Variants in ATF1 observed in about 807,000 individuals in gnomAD.
The protein encoded by ATF1 is cyclic AMP-dependent transcription factor ATF-1.
In ATF1, 16 loss-of-function variants were observed where a neutral mutation model predicts 34.7. That is an observed-to-expected ratio of 0.46 (90% confidence interval 0.31 to 0.70). The LOEUF (loss-of-function observed/expected upper bound fraction) is 0.70. Among genes scored for constraint, ATF1 ranks in the 30% least tolerant of loss-of-function variants. The probability of loss-of-function intolerance (pLI) is 0.05; values close to 1 mark genes in which losing one functional copy is unlikely to be tolerated. For synonymous variants in ATF1, 105 were observed against 113.1 expected, an observed-to-expected ratio of 0.93 and a Z score of 0.46; for missense variants, 255 against 321.6, an observed-to-expected ratio of 0.79 and a Z score of 1.58.
intron 2 of ATF1, among the ~76,000 whole-genome samples, chr12:50,794,876 A>AC (rs1941380173): frequency 6.6e-6 from 1 of 151,876 alleles, no homozygotes; most frequent in Admixed American, 6.6e-5. Context: ...CTGTCATTGC[A>AC]CCACTGCACT....
chr12:50,815,208 G>C (rs1384114287), intron 6 of ATF1, among the ~76,000 whole-genome samples: 1 of 152,062 alleles, frequency 6.6e-6, no homozygotes, highest in Non-Finnish European at 1.5e-5. Context: ...TATCATAGGA[G>C]ATAACAGCTC....
chr12:50,798,350 C>T (rs982274075), intron 3 of ATF1, among the ~76,000 whole-genome samples: 2 of 150,270 alleles, frequency 1.3e-5, no homozygotes, highest in African/African-American at 4.9e-5. Context: ...GCTCTGTCAT[C>T]CAGGCTGGAG....
chr12:50,784,019 C>T (rs1941129740), intron 2 of ATF1, among the ~76,000 whole-genome samples: 1 of 151,722 alleles, frequency 6.6e-6, no homozygotes. Context: ...AAAATTTAGC[C>T]AGGTGTGGTG....
chr12:50,785,174 C>T (rs1941156828), intron 2 of ATF1, among the ~76,000 whole-genome samples: 1 of 150,560 alleles, frequency 6.6e-6, no homozygotes, highest in Admixed American at 6.7e-5. Context: ...ATAATCCCCT[C>T]TGCTTGGGAG....
intron 1 of ATF1, among the ~76,000 whole-genome samples, chr12:50,765,560 C>T (rs1433163401): frequency 1.3e-5 from 2 of 152,078 alleles, no homozygotes; most frequent in South Asian, 2.1e-4. Flanking sequence ...GTGTCAGAGG[C>T]GTGTGAACTA....
intron 2 of ATF1, among the ~76,000 whole-genome samples, chr12:50,791,509 C>T (rs997996156): frequency 1.3e-5 from 2 of 151,360 alleles, no homozygotes; most frequent in Non-Finnish European, 2.9e-5. Flanking sequence ...GAGTCTAGAT[C>T]GTGCTACTTC....
At chr12:50,802,087 CTG>C (rs1941522798) in intron 3 of ATF1, among the ~76,000 whole-genome samples, 1 of 152,172 alleles carries the variant, frequency 6.6e-6, no homozygotes. Context: ...CAAAAATCAA[CTG>C]TATTTCCATA....
intron 1 of ATF1, among the ~76,000 whole-genome samples, chr12:50,778,178 T>C (rs1296029981): frequency 1.3e-5 from 2 of 151,494 alleles, no homozygotes; most frequent in Non-Finnish European, 2.9e-5. Context: ...AGCCTCCCAA[T>C]GTGTTGAGAT....
chr12:50,809,819 C>CTGTTT (rs71443204), intron 4 of ATF1, among the ~76,000 whole-genome samples: 36,430 of 151,030 alleles, frequency 0.24, 4,996 homozygotes, highest in East Asian at 0.36. Flanking sequence ...ACATTAGATA[C>CTGTTT]TGTTTTGTTT....
chr12:50,773,628 C>A (rs1475300502), intron 1 of ATF1, among the ~76,000 whole-genome samples: 1 of 151,620 alleles, frequency 6.6e-6, no homozygotes, highest in Non-Finnish European at 1.5e-5. Context: ...TGCTCTCTTG[C>A]CCACGTTGGA....
intron 3 of ATF1, among the ~76,000 whole-genome samples, chr12:50,808,651 T>C (rs1260970713): frequency 6.6e-6 from 1 of 151,932 alleles, no homozygotes; most frequent in African/African-American, 2.4e-5. Flanking sequence ...TAAACTAATA[T>C]GTAATCAGCC....
chr12:50,806,895 G>C (rs1320264127), intron 3 of ATF1, among the ~76,000 whole-genome samples: 1 of 152,132 alleles, frequency 6.6e-6, no homozygotes, highest in African/African-American at 2.4e-5. Context: ...CTATAGGACT[G>C]ACACCTCCAT....
intron 2 of ATF1, among the ~76,000 whole-genome samples, chr12:50,784,877 TTTTA>T (rs747782113): frequency 4.0e-4 from 60 of 151,320 alleles, no homozygotes; most frequent in East Asian, 1.2e-3. Context: ...GAGTTTTATT[TTTTA>T]TTTATTTATT....
intron 3 of ATF1, among the ~76,000 whole-genome samples, chr12:50,805,796 G>A (rs1941604667): frequency 6.6e-6 from 1 of 152,068 alleles, no homozygotes; most frequent in Non-Finnish European, 1.5e-5. Context: ...TCTTAAGTCA[G>A]ATATCAAAAG....
At chr12:50,767,557 G>A (rs889898432) in intron 1 of ATF1, among the ~76,000 whole-genome samples, 2 of 152,106 alleles carry the variant, frequency 1.3e-5, no homozygotes, top group African/African-American at 4.8e-5. Context: ...CTGTAAGCTC[G>A]CTTTTCAAGA....
intron 1 of ATF1, among the ~76,000 whole-genome samples, chr12:50,772,308 T>G (rs928498322): frequency 1.4e-5 from 2 of 147,514 alleles, no homozygotes; most frequent in Admixed American, 7.2e-5. Flanking sequence ...GTGCCTGAAT[T>G]GCTCCATTCC....
In ATF1 at chr12:50,820,747, A is replaced by ATGTT. The variant is rs551254271; in HGVS notation, c.*969_*972dup. 4.1e-3 allele frequency: 732 copies of ATGTT among 179,512 alleles called. 6 individuals are homozygous for ATGTT. The highest frequency in any genetic ancestry group is 0.016 in the African/African-American group (698 of 42,500). 11.1% of individuals were successfully genotyped at this position (179,512 alleles called of 1,614,324 possible). ...ATAGTATAGTTATTAAGGCAATTTT[A>ATGTT]TGTTAGAGACTATTTTGTAATGTAG... On this transcript the variant is annotated 3_prime_UTR_variant, in exon 7 of 7. Transcript: ENST00000262053.
At chr12:50,778,523 A>T (rs915627510) in intron 1 of ATF1, among the ~76,000 whole-genome samples, 1 of 151,928 alleles carries the variant, frequency 6.6e-6, no homozygotes, top group African/African-American at 2.4e-5. Context: ...GCGCCTGGCC[A>T]TATTAACCAT....
intron 1 of ATF1, among the ~76,000 whole-genome samples, chr12:50,773,253 A>G (rs1215685864): frequency 1.3e-5 from 2 of 152,134 alleles, no homozygotes; most frequent in Non-Finnish European, 2.9e-5. Flanking sequence ...TTATAATAGA[A>G]TGATTTATAT....
Sources: gnomAD v4.1 joint callset for allele counts (sites outside exome capture counted in the v4.1 genomes callset) on GRCh38, gnomAD v4.1.1 for gene constraint, MANE v1.5 for transcripts, NCBI Gene and HGNC (gene_info 2026-07-23, HGNC 2026-07-21) for gene names.